Variants in SASH1 observed in about 807,000 individuals in gnomAD.
SASH1 encodes SAM and SH3 domain-containing protein 1.
Under a neutral mutation model 125.2 loss-of-function variants are expected in SASH1, and 44 were observed. That is an observed-to-expected ratio of 0.35 (90% CI 0.28 to 0.45). SASH1 has a LOEUF of 0.45. Ranked by LOEUF, SASH1 falls within the 20% of genes least tolerant of loss-of-function variation. SASH1 has a pLI of 1.00. For synonymous variants in SASH1, 639 were observed against 649.1 expected, an observed-to-expected ratio of 0.98 and a Z score of 0.24; for missense variants, 1,426 against 1,614.5, an observed-to-expected ratio of 0.88 and a Z score of 2.00.
intron 1 of SASH1, among the ~76,000 whole-genome samples, chr6:148,319,335 C>G (rs371123795): frequency 6.6e-6 from 1 of 151,614 alleles, no homozygotes; most frequent in Admixed American, 6.6e-5. Flanking sequence ...GCGCCCAGCC[C>G]CATTTATCTT....
chr6:148,383,982 T>G (rs559475278), intron 1 of SASH1, among the ~76,000 whole-genome samples: 1 of 152,280 alleles, frequency 6.6e-6, no homozygotes, highest in African/African-American at 2.4e-5. Flanking sequence ...GGGGGAAGAT[T>G]ATACAAGTTT....
chr6:148,423,812 G>C (rs1028384360), intron 2 of SASH1, among the ~76,000 whole-genome samples: 1 of 152,092 alleles, frequency 6.6e-6, no homozygotes, highest in African/African-American at 2.4e-5. Flanking sequence ...TCAGTTGTAG[G>C]CTGTTGCCAA....
intron 7 of SASH1, among the ~76,000 whole-genome samples, chr6:148,476,674 TC>T (rs940189951): frequency 5.3e-5 from 8 of 150,748 alleles, no homozygotes; most frequent in African/African-American, 1.2e-4. Context: ...TGAGAATCCA[TC>T]CCCCCCAACC....
chr6:148,429,627 C>T (rs777238761), intron 2 of SASH1, among the ~76,000 whole-genome samples: 39 of 152,048 alleles, frequency 2.6e-4, no homozygotes, highest in Non-Finnish European at 2.4e-4. Flanking sequence ...CCCACAGCCC[C>T]AGCTGCTTGG....
intron 1 of SASH1, among the ~76,000 whole-genome samples, chr6:148,284,311 C>T (rs748706899): frequency 7.2e-5 from 11 of 152,056 alleles, no homozygotes; most frequent in Non-Finnish European, 1.5e-4. Context: ...TGGTGGCACA[C>T]GCCTATAGTC....
At chr6:148,391,178 G>C (rs867662586) in intron 2 of SASH1, among the ~76,000 whole-genome samples, 6 of 149,808 alleles carry the variant, frequency 4.0e-5, no homozygotes, top group Non-Finnish European at 7.4e-5. Context: ...GGCGTGATCT[G>C]GGCTCACCAC....
chr6:148,210,718 T>C, the SASH1 span, among the ~76,000 whole-genome samples: 2 of 152,182 alleles, frequency 1.3e-5, no homozygotes, highest in African/African-American at 4.8e-5. Flanking sequence ...AATCTTGAGG[T>C]CTACAAAGCC....
At chr6:148,443,809 G>A (rs1776660775) in intron 4 of SASH1, among the ~76,000 whole-genome samples, 1 of 152,088 alleles carries the variant, frequency 6.6e-6, no homozygotes, top group Non-Finnish European at 1.5e-5. Context: ...TTTATACATT[G>A]TATTTGAAGA....
intron 2 of SASH1, among the ~76,000 whole-genome samples, chr6:148,412,487 A>G (rs1224815371): frequency 6.6e-6 from 1 of 152,234 alleles, no homozygotes; most frequent in Non-Finnish European, 1.5e-5. Flanking sequence ...AATTTGTACC[A>G]TAGTTATGTC....
chr6:148,545,407 T>C (rs1157368357), intron 18 of SASH1, among the ~76,000 whole-genome samples: 1 of 152,204 alleles, frequency 6.6e-6, no homozygotes, highest in Non-Finnish European at 1.5e-5. Context: ...CTGACCCTCC[T>C]TGATATTTCC....
chr6:148,446,156 T>C (rs1776773623), intron 4 of SASH1, among the ~76,000 whole-genome samples: 2 of 136,326 alleles, frequency 1.5e-5, no homozygotes, highest in Non-Finnish European at 3.1e-5. Flanking sequence ...TCGCCCAGGC[T>C]GGAGTGCAGT....
chr6:148,341,326 T>G (rs112729157), upstream of SASH1, among the ~76,000 whole-genome samples: 6,887 of 146,944 alleles, frequency 0.047, 259 homozygotes, highest in South Asian at 0.14. Flanking sequence ...TGTTTTTTTT[T>G]TTTGTTTTTT....
At chr6:148,286,542 G>C (rs886626690) in intron 1 of SASH1, among the ~76,000 whole-genome samples, 5 of 152,148 alleles carry the variant, frequency 3.3e-5, no homozygotes, top group African/African-American at 1.2e-4. Context: ...GGAGATCCAA[G>C]TGTCAGAGAT....
At chr6:148,524,121 A>ATATATATATATATATATATTT (rs1193506716) in intron 10 of SASH1, among the ~76,000 whole-genome samples, 46 of 128,584 alleles carry the variant, frequency 3.6e-4, no homozygotes, top group Middle Eastern at 4.3e-3. Context: ...ATATATATAT[A>ATATATATATATATATATATTT]TTTTTTTTAA....
chr6:148,333,544 T>C (rs1323391378), intron 1 of SASH1, among the ~76,000 whole-genome samples: 1 of 152,156 alleles, frequency 6.6e-6, no homozygotes, highest in Non-Finnish European at 1.5e-5. Context: ...GAAGCACTGC[T>C]CTAGATAAAA....
chr6:148,480,265 G>A (rs1445068577), intron 7 of SASH1: 1 of 150,500 alleles, frequency 6.6e-6, no homozygotes, highest in African/African-American at 2.5e-5. Flanking sequence ...AGGTTGCAGT[G>A]AGCCGAGATC....
the SASH1 span, among the ~76,000 whole-genome samples, chr6:148,195,412 A>T: frequency 6.6e-6 from 1 of 152,250 alleles, no homozygotes; most frequent in African/African-American, 2.4e-5. Flanking sequence ...AGACGTAGGC[A>T]TTGGTCCTGT....
intron 1 of SASH1, among the ~76,000 whole-genome samples, chr6:148,292,179 T>C (rs148855587): frequency 6.6e-6 from 1 of 152,344 alleles, no homozygotes; most frequent in African/African-American, 2.4e-5. Context: ...CATAGAATCA[T>C]GCAGCTGGGA....
intron 7 of SASH1, among the ~76,000 whole-genome samples, chr6:148,482,908 C>T (rs904464864): frequency 4.6e-5 from 7 of 151,980 alleles, no homozygotes; most frequent in Middle Eastern, 6.8e-3. Flanking sequence ...AGGCTGGTCT[C>T]GAACTCCTGA....
Sources: allele counts gnomAD v4.1 joint callset (sites outside exome capture counted in the v4.1 genomes callset), GRCh38; gene constraint gnomAD v4.1.1; transcripts MANE v1.5; gene names NCBI Gene and HGNC (gene_info 2026-07-23, HGNC 2026-07-21).